The following HEG1 variants were observed in gnomAD, a reference collection of about 807,000 sequenced individuals.
HEG1 encodes the protein protein HEG homolog 1.
A neutral mutation model predicts 125.6 loss-of-function variants in HEG1; 56 were observed. The ratio of observed to expected loss-of-function variants is 0.45; its 90% CI spans 0.36 to 0.56. The LOEUF (loss-of-function observed/expected upper bound fraction) is 0.56, where lower values mean the gene tolerates loss of function less well. HEG1 is among the 20% of genes least tolerant of loss of function. The pLI is 0.00. For missense variants in HEG1, 1,523 were observed against 1,670.0 expected (o/e 0.91, Z 1.53); for synonymous variants, 644 against 668.5 (o/e 0.96, Z 0.57).
intron 16 of HEG1, chr3:124,972,208 T>C (rs1936460729): frequency 6.6e-6 from 1 of 152,234 alleles, no homozygotes; most frequent in Non-Finnish European, 1.5e-5. Flanking sequence ...GTTCCTATGA[T>C]GTCACAGGCC....
At chr3:124,974,178 C>A (rs1936495062) in intron 15 of HEG1, among the ~76,000 whole-genome samples, 1 of 151,740 alleles carries the variant, frequency 6.6e-6, no homozygotes, top group Non-Finnish European at 1.5e-5. Context: ...AGCAATAGGG[C>A]AGATTTAGAC....
chr3:125,035,873 T>C (rs1579433214), intron 1 of HEG1, among the ~76,000 whole-genome samples: 1 of 152,284 alleles, frequency 6.6e-6, no homozygotes, highest in East Asian at 1.9e-4. Flanking sequence ...TCATGTTGCA[T>C]AGCAGAAGCG....
At chr3:124,983,630 C>G (rs752696385) in intron 14 of HEG1, among the ~76,000 whole-genome samples, 2 of 152,022 alleles carry the variant, frequency 1.3e-5, no homozygotes, top group Non-Finnish European at 2.9e-5. Flanking sequence ...CCACCGCACT[C>G]AGACAAATTT....
At chr3:125,044,921 G>A (rs900541865) in intron 1 of HEG1, among the ~76,000 whole-genome samples, 8 of 152,170 alleles carry the variant, frequency 5.3e-5, no homozygotes, top group Admixed American at 3.9e-4. Flanking sequence ...CTGTCCAAAT[G>A]GAATTCAGCG....
intron 1 of HEG1, among the ~76,000 whole-genome samples, chr3:125,047,303 T>C (rs1937687886): frequency 1.3e-5 from 2 of 152,232 alleles, no homozygotes; most frequent in Admixed American, 1.3e-4. Flanking sequence ...AGCATCATCA[T>C]TGCTAGTATT....
chr3:125,003,224 T>C (rs1031888514), intron 9 of HEG1, among the ~76,000 whole-genome samples: 1 of 152,226 alleles, frequency 6.6e-6, no homozygotes, highest in Non-Finnish European at 1.5e-5. Flanking sequence ...TGGATTAATC[T>C]TCACTCTTTC....
At chr3:124,998,183 G>A (rs1266621862) in intron 11 of HEG1, among the ~76,000 whole-genome samples, 8 of 152,130 alleles carry the variant, frequency 5.3e-5, no homozygotes, top group African/African-American at 7.2e-5. Context: ...AAAGGACTGC[G>A]GAGGAAGGAT....
At chr3:125,009,916 G>C (rs1012813015) in intron 7 of HEG1, 92 bp from the exon 8 acceptor site, 1 of 1,334,862 alleles carries the variant, frequency 7.5e-7, no homozygotes, top group Non-Finnish European at 1.0e-6. Flanking sequence ...GGGCCAAATG[G>C]TGCTAGGTGT....
chr3:124,986,247 G>C (rs1173639857), intron 14 of HEG1, among the ~76,000 whole-genome samples: 3 of 152,198 alleles, frequency 2.0e-5, no homozygotes, highest in African/African-American at 7.2e-5. Flanking sequence ...CATTGGGCTT[G>C]GGTAGAGCAT....
intron 1 of HEG1, among the ~76,000 whole-genome samples, chr3:125,054,618 G>A (rs1407236911): frequency 6.6e-6 from 1 of 152,164 alleles, no homozygotes; most frequent in Non-Finnish European, 1.5e-5. Context: ...TGAATAGCCC[G>A]GACAGAGCAT....
chr3:124,979,516 C>G (rs1936611610), intron 14 of HEG1, among the ~76,000 whole-genome samples: 1 of 152,110 alleles, frequency 6.6e-6, no homozygotes, highest in South Asian at 2.1e-4. Context: ...GCTTTTATAT[C>G]TATGTATTTC....
chr3:125,014,866 G>A (rs1937220375), intron 5 of HEG1: 1 of 1,289,870 alleles, frequency 7.8e-7, no homozygotes, highest in Non-Finnish European at 1.0e-6. Flanking sequence ...GTGTTGGTGA[G>A]GGTGACAGAC....
In HEG1 at chr3:124,969,807, C is replaced by T. The variant is rs1234362357; in HGVS notation, c.*845G>A. ...CCACAATGGTGATCGAGTCCCAGGC[C>T]CCAGGCTGGGCCCTCATGGATGAAA... On this transcript the variant is annotated 3_prime_UTR_variant, in exon 17 of 17. Coordinates refer to ENST00000311127, the MANE Select transcript of HEG1 (RefSeq NM_020733.2). 2 of 152,224 alleles carry T rather than the reference C, an allele frequency of 1.3e-5. No individual in the cohort carries two copies. The highest frequency in any genetic ancestry group is 2.9e-5 in the Non-Finnish European group (2 of 68,074). The allele number at this position is 152,224 out of a possible 1,614,324, so 9.4% of individuals were successfully genotyped here.
intron 15 of HEG1, 51 bp downstream of exon 15, chr3:124,977,808 G>T: frequency 3.3e-6 from 4 of 1,211,198 alleles, no homozygotes; most frequent in South Asian, 1.3e-5. Flanking sequence ...ACTGACCCTT[G>T]TATAGCACAG....
chr3:124,968,717 G>A lies in HEG1; in HGVS notation c.*1935C>T, dbSNP rs973507375. The A allele has an allele frequency of 2.0e-5, 3 of 152,180 alleles. No individual in the cohort carries two copies. The highest frequency in any genetic ancestry group is 4.4e-5 in the Non-Finnish European group (3 of 68,054). 9.4% of individuals were successfully genotyped at this position (152,180 alleles called of 1,614,324 possible). ...GGGGTGAGCAGGCATGCTGCGGAAG[G>A]AGCCAAGAAGCCTAGTCTGTGGGCT... On this transcript the variant is annotated 3_prime_UTR_variant, in exon 17 of 17. Transcript: ENST00000311127.
intron 1 of HEG1, among the ~76,000 whole-genome samples, chr3:125,030,659 G>C (rs933400342): frequency 6.6e-6 from 1 of 152,238 alleles, no homozygotes; most frequent in Non-Finnish European, 1.5e-5. Flanking sequence ...GAGGTAGGTA[G>C]CAGACGTAGG....
intron 5 of HEG1, chr3:125,014,713 C>T: frequency 7.9e-7 from 1 of 1,262,162 alleles, no homozygotes; most frequent in Non-Finnish European, 1.0e-6. Flanking sequence ...GACACCCCAC[C>T]TCCGAGTGCA....
intron 1 of HEG1, 110 bp downstream of exon 1, chr3:125,055,465 C>A (rs1301845795): frequency 7.6e-5 from 55 of 722,714 alleles, no homozygotes; most frequent in Non-Finnish European, 9.6e-5. Context: ...GAGGAGCCCC[C>A]ACCCTGGGTC....
intron 14 of HEG1, among the ~76,000 whole-genome samples, chr3:124,981,980 G>A (rs186870620): frequency 2.1e-4 from 32 of 151,786 alleles, no homozygotes; most frequent in Admixed American, 1.8e-3. Context: ...TTGGCTCACT[G>A]CAACCTCTGC....
Sources: gnomAD v4.1 joint callset for allele counts (sites outside exome capture counted in the v4.1 genomes callset) on GRCh38, gnomAD v4.1.1 for gene constraint, MANE v1.5 for transcripts, NCBI Gene and HGNC (gene_info 2026-07-23, HGNC 2026-07-21) for gene names.